TRANK1: variants seen among roughly 807,000 people sequenced by gnomAD.
TRANK1 encodes the protein tetratricopeptide repeat and ankyrin repeat containing 1, also known as TPR and ankyrin repeat-containing protein 1.
TRANK1 carries 198 observed loss-of-function variants against 266.0 expected under a neutral mutation model. The observed-to-expected ratio is 0.74, with a 90% CI of 0.66 to 0.84. TRANK1 has a LOEUF of 0.84. TRANK1 is among the 40% of genes least tolerant of loss of function. TRANK1 has a pLI of 0.00. For synonymous variants in TRANK1, 1,396 were observed against 1,384.1 expected (o/e 1.01, Z -0.19); for missense variants, 3,326 against 3,634.6 (o/e 0.92, Z 2.18).
chr3:36,943,848 A>T (rs751600323), intron 1 of TRANK1, among the ~76,000 whole-genome samples: 1 of 151,862 alleles, frequency 6.6e-6, no homozygotes, highest in Non-Finnish European at 1.5e-5. Context: ...GGAACTAGAG[A>T]CCTCAGAGCC....
At chr3:36,885,460 T>C (rs1235963941) in intron 8 of TRANK1, among the ~76,000 whole-genome samples, 1 of 152,116 alleles carries the variant, frequency 6.6e-6, no homozygotes, top group Non-Finnish European at 1.5e-5. Flanking sequence ...TAAGGAGACA[T>C]GAAAACTAAA....
At chr3:36,863,811 T>TTA (rs2079176435) in intron 10 of TRANK1, among the ~76,000 whole-genome samples, 1 of 152,226 alleles carries the variant, frequency 6.6e-6, no homozygotes, top group Non-Finnish European at 1.5e-5. Context: ...CATGCCTTCT[T>TTA]GCACTCTTTG....
intron 1 of TRANK1, among the ~76,000 whole-genome samples, chr3:36,943,327 TACAC>T (rs1437017582): frequency 6.6e-6 from 1 of 152,270 alleles, no homozygotes; most frequent in Non-Finnish European, 1.5e-5. Context: ...TATATAATAT[TACAC>T]ACATATTATG....
At chr3:36,935,967 C>T (rs905908446) in intron 1 of TRANK1, among the ~76,000 whole-genome samples, 2 of 152,048 alleles carry the variant, frequency 1.3e-5, no homozygotes, top group African/African-American at 4.8e-5. Flanking sequence ...TGGCCATTTC[C>T]CATAAAGCCA....
chr3:36,934,882 G>C (rs769844628), intron 1 of TRANK1, among the ~76,000 whole-genome samples: 2 of 152,124 alleles, frequency 1.3e-5, no homozygotes, highest in Non-Finnish European at 2.9e-5. Flanking sequence ...AGCTATCCCT[G>C]AGTTGGGTTC....
At chr3:36,942,482 CAAAAAAAAA>C (rs565174922) in intron 1 of TRANK1, among the ~76,000 whole-genome samples, 7 of 79,950 alleles carry the variant, frequency 8.8e-5, no homozygotes, top group Admixed American at 6.6e-4. Flanking sequence ...TCTTCTTCCT[CAAAAAAAAA>C]AAAAAAAAAA....
intron 1 of TRANK1, among the ~76,000 whole-genome samples, chr3:36,933,649 A>T (rs2080388908): frequency 6.6e-6 from 1 of 152,200 alleles, no homozygotes; most frequent in African/African-American, 2.4e-5. Context: ...CTTCTGGTTC[A>T]TGATGTTTCA....
intron 3 of TRANK1, among the ~76,000 whole-genome samples, chr3:36,901,402 A>G (rs188896616): frequency 1.3e-5 from 2 of 152,302 alleles, no homozygotes; most frequent in African/African-American, 2.4e-5. Flanking sequence ...ACGTTCCCAC[A>G]TATATACACC....
intron 11 of TRANK1, among the ~76,000 whole-genome samples, chr3:36,860,281 C>G (rs2079123993): frequency 6.6e-6 from 1 of 152,142 alleles, no homozygotes. Flanking sequence ...CAATGCCACA[C>G]AGTTAGTACT....
At chr3:36,851,430 G>A (rs1470533069) in intron 15 of TRANK1, 2 of 1,135,796 alleles carry the variant, frequency 1.8e-6, no homozygotes. Context: ...GGGAGCCAAG[G>A]ATAACAGTGG....
chr3:36,940,842 A>G (rs1279597777), intron 1 of TRANK1, among the ~76,000 whole-genome samples: 1 of 152,220 alleles, frequency 6.6e-6, no homozygotes, highest in Non-Finnish European at 1.5e-5. Context: ...AGAAGGGGTG[A>G]GAAAAGGCAA....
intron 1 of TRANK1, among the ~76,000 whole-genome samples, chr3:36,934,086 T>C (rs538036231): frequency 6.6e-6 from 1 of 152,368 alleles, no homozygotes; most frequent in South Asian, 2.1e-4. Flanking sequence ...TGCAAAGGCC[T>C]TCCAGGGGAG....
chr3:36,940,651 G>C (rs1177842992), intron 1 of TRANK1, among the ~76,000 whole-genome samples: 1 of 152,126 alleles, frequency 6.6e-6, no homozygotes, highest in Admixed American at 6.5e-5. Context: ...TTCAGGAGCT[G>C]GGAAGTCTCT....
chr3:36,936,052 G>A (rs966784658), intron 1 of TRANK1, among the ~76,000 whole-genome samples: 6 of 152,188 alleles, frequency 3.9e-5, no homozygotes, highest in Non-Finnish European at 5.9e-5. Context: ...AGAATCTAAT[G>A]GTCAGCAAAC....
rs751122772 is a variant in TRANK1, at chr3:36,894,356, AC to A, written c.552+1283del. On this transcript the variant is annotated intron_variant, in intron 5 of 23. Coordinates refer to ENST00000645898, the MANE Select transcript of TRANK1 (RefSeq NM_001329998.2). ...CCTAAGGCCTCCTGCTCACAGATCT[AC>A]CCTAGCACTTGGAATCACAGAATTT... Among the ~76,000 whole-genome samples the A allele has an allele frequency of 9.8e-5, 15 of 152,366 alleles. No individual in the cohort carries two copies. In the Middle Eastern group the frequency reaches 0.014, roughly 138 times the overall value.
chr3:36,938,063 C>T (rs768471687), intron 1 of TRANK1, among the ~76,000 whole-genome samples: 1 of 152,136 alleles, frequency 6.6e-6, no homozygotes, highest in Non-Finnish European at 1.5e-5. Flanking sequence ...GTGAAAACAC[C>T]GTTCACTGCT....
chr3:36,916,879 A>C (rs1470810699), intron 1 of TRANK1, among the ~76,000 whole-genome samples: 1 of 151,270 alleles, frequency 6.6e-6, no homozygotes, highest in Non-Finnish European at 1.5e-5. Context: ...GCAGTGGTGC[A>C]ATCTTGGCTC....
chr3:36,907,983 T>C (rs888893377), intron 2 of TRANK1, among the ~76,000 whole-genome samples: 1 of 152,138 alleles, frequency 6.6e-6, no homozygotes, highest in African/African-American at 2.4e-5. Context: ...GTGTGCGCTG[T>C]GGCCACGGAG....
intron 9 of TRANK1, among the ~76,000 whole-genome samples, chr3:36,871,594 C>T (rs547034712): frequency 1.1e-4 from 17 of 152,036 alleles, no homozygotes; most frequent in South Asian, 2.1e-4. Flanking sequence ...TACAACCTCA[C>T]GAAGAAATTA....
Sources: allele counts gnomAD v4.1 joint callset (sites outside exome capture counted in the v4.1 genomes callset), GRCh38; gene constraint gnomAD v4.1.1; transcripts MANE v1.5; gene names NCBI Gene and HGNC (gene_info 2026-07-23, HGNC 2026-07-21).